The following ZNF804A variants were observed in gnomAD, a reference collection of about 807,000 sequenced individuals.
The protein encoded by ZNF804A is zinc finger protein 804A.
Under a neutral mutation model 16.5 loss-of-function variants are expected in ZNF804A, and 2 were observed. The observed-to-expected ratio is 0.12, with a 90% CI of 0.05 to 0.38. The LOEUF is 0.38. Among genes scored for constraint, ZNF804A ranks in the 10% least tolerant of loss-of-function variants. The probability of loss-of-function intolerance (pLI) is 0.99; values close to 1 mark genes in which losing one functional copy is unlikely to be tolerated. For missense variants in ZNF804A, 1,473 were observed against 1,390.7 expected (o/e 1.06, Z -0.94); for synonymous variants, 534 against 489.6 (o/e 1.09, Z -1.20).
intron 1 of ZNF804A, among the ~76,000 whole-genome samples, chr2:184,756,582 A>G (rs1012435253): frequency 7.2e-5 from 11 of 152,020 alleles, no homozygotes; most frequent in Admixed American, 4.6e-4. Flanking sequence ...AGATTTTTCT[A>G]TGTAATAATC....
At position 184,936,157 on chromosome 2, in the gene ZNF804A, C is replaced by T. The variant is rs773804143; in HGVS notation, c.761C>T (p.Pro254Leu). 1.2e-6 allele frequency: 2 copies of T among 1,613,926 alleles called. No homozygotes were observed. The highest frequency in any genetic ancestry group is 2.2e-5 in the South Asian group (2 of 91,068). ...TTTAGCAGAAAAAGTAGATTTGTCCCCAGTGCTTGTCATCTTCAACAATCT... is the reference window on the plus strand; with the variant it reads ...TTTAGCAGAAAAAGTAGATTTGTCCTCAGTGCTTGTCATCTTCAACAATCT... ...KGFSRKSRFV[P>L]SACHLQQSSP... Residue 254 changes from proline to leucine, a missense_variant, in exon 4 of 4, where the codon CCC becomes CTC. Transcript: ENST00000302277.
At chr2:184,721,736 G>C (rs892598921) in intron 1 of ZNF804A, among the ~76,000 whole-genome samples, 1 of 152,102 alleles carries the variant, frequency 6.6e-6, no homozygotes, top group Admixed American at 6.6e-5. Context: ...AATCTCACTA[G>C]TGTGTATTTA....
intron 1 of ZNF804A, among the ~76,000 whole-genome samples, chr2:184,630,873 AT>A (rs1197462740): frequency 3.3e-5 from 5 of 152,144 alleles, no homozygotes; most frequent in African/African-American, 1.2e-4. Flanking sequence ...TTAAAAAAAA[AT>A]ACATTAAAAA....
intron 1 of ZNF804A, among the ~76,000 whole-genome samples, chr2:184,648,822 C>T (rs534759822): frequency 5.3e-5 from 8 of 152,210 alleles, no homozygotes; most frequent in South Asian, 2.1e-4. Context: ...ACTTACACAG[C>T]TACACAAGAA....
At chr2:184,805,059 C>A (rs2105784288) in intron 1 of ZNF804A, among the ~76,000 whole-genome samples, 1 of 152,202 alleles carries the variant, frequency 6.6e-6, no homozygotes, top group Admixed American at 6.5e-5. Flanking sequence ...GTCCAGGGAC[C>A]ACACTGAGAG....
At chr2:184,610,876 G>T (rs898790664) in intron 1 of ZNF804A, among the ~76,000 whole-genome samples, 1 of 152,194 alleles carries the variant, frequency 6.6e-6, no homozygotes, top group Non-Finnish European at 1.5e-5. Flanking sequence ...TTAGATAAAA[G>T]ATATGATAAT....
intron 1 of ZNF804A, among the ~76,000 whole-genome samples, chr2:184,678,264 A>G (rs1692473872): frequency 6.6e-6 from 1 of 152,144 alleles, no homozygotes; most frequent in Non-Finnish European, 1.5e-5. Flanking sequence ...TGAAGTAGTC[A>G]GCTAATCATG....
At chr2:184,824,770 T>C (rs1247932635) in intron 1 of ZNF804A, among the ~76,000 whole-genome samples, 2 of 152,116 alleles carry the variant, frequency 1.3e-5, no homozygotes, top group African/African-American at 4.8e-5. Flanking sequence ...GCTGGAATCC[T>C]CTCAGAGCTG....
At position 184,715,983 on chromosome 2, in the gene ZNF804A, A is replaced by G. The variant is rs1693207476; in HGVS notation, c.111+116913A>G. ...AACATTGTTTCACGCCAACAGGTCT[A>G]ATGCATATAAGAGCAACATTTGGGA... On this transcript the variant is annotated intron_variant, in intron 1 of 3. Transcript: ENST00000302277. Among the ~76,000 whole-genome samples, 2 of 152,182 alleles carry G rather than the reference A, an allele frequency of 1.3e-5. 1 individual carries two copies. The highest frequency in any genetic ancestry group is 1.3e-4 in the Admixed American group (2 of 15,258).
chr2:184,757,155 C>T (rs1178601935), intron 1 of ZNF804A, among the ~76,000 whole-genome samples: 1 of 152,006 alleles, frequency 6.6e-6, no homozygotes, highest in African/African-American at 2.4e-5. Context: ...CACGTGACCA[C>T]ATCTTTAATA....
intron 1 of ZNF804A, among the ~76,000 whole-genome samples, chr2:184,794,382 G>A (rs1009572211): frequency 1.3e-5 from 2 of 151,834 alleles, no homozygotes; most frequent in Non-Finnish European, 1.5e-5. Context: ...TTTGATGATT[G>A]TCTATTCATG....
chr2:184,773,226 C>A (rs1694243645), intron 1 of ZNF804A, among the ~76,000 whole-genome samples: 1 of 151,430 alleles, frequency 6.6e-6, no homozygotes, highest in Non-Finnish European at 1.5e-5. Flanking sequence ...ATATCTGTAT[C>A]ATATGGGTAT....
intron 1 of ZNF804A, among the ~76,000 whole-genome samples, chr2:184,627,672 A>G (rs1691527786): frequency 1.3e-5 from 2 of 152,248 alleles, no homozygotes; most frequent in African/African-American, 4.8e-5. Context: ...TACTATTTAA[A>G]TAATTTATCT....
chr2:184,715,706 C>T (rs566304707), intron 1 of ZNF804A, among the ~76,000 whole-genome samples: 32 of 152,012 alleles, frequency 2.1e-4, no homozygotes, highest in South Asian at 4.2e-4. Context: ...CAGCCACATC[C>T]GATACTTTTT....
chr2:184,834,380 C>A lies in ZNF804A; in HGVS notation c.112-31989C>A, dbSNP rs146312870. 3.9e-3 allele frequency among the ~76,000 whole-genome samples: 594 copies of A among 152,146 alleles called. 1 individual carries two copies. Among genetic ancestry groups the A allele is most frequent in the Non-Finnish European group, 6.0e-3 (406 of 67,976 alleles). On this transcript the variant is annotated intron_variant, in intron 1 of 3. Coordinates refer to ENST00000302277, the MANE Select transcript of ZNF804A (RefSeq NM_194250.2). ...TTCATCTTTCCTTCTATGCCCTTAG[C>A]CCTAGAATCAGCTATTTCTCCAAGA...
intron 2 of ZNF804A, among the ~76,000 whole-genome samples, chr2:184,896,771 C>T (rs1685075901): frequency 6.6e-6 from 1 of 151,928 alleles, no homozygotes; most frequent in Non-Finnish European, 1.5e-5. Context: ...GTCATCCTTA[C>T]ATATAAAAAT....
chr2:184,688,627 A>G (rs2105723925), intron 1 of ZNF804A, among the ~76,000 whole-genome samples: 1 of 152,018 alleles, frequency 6.6e-6, no homozygotes, highest in East Asian at 1.9e-4. Flanking sequence ...AATACTTCAA[A>G]CCATTTTTAA....
chr2:184,840,210 G>A (rs1399324838), intron 1 of ZNF804A, among the ~76,000 whole-genome samples: 1 of 152,122 alleles, frequency 6.6e-6, no homozygotes, highest in African/African-American at 2.4e-5. Flanking sequence ...CCAACATGGT[G>A]AAACCTCATC....
intron 1 of ZNF804A, among the ~76,000 whole-genome samples, chr2:184,787,232 G>T (rs1282311563): frequency 6.6e-6 from 1 of 151,862 alleles, no homozygotes; most frequent in Non-Finnish European, 1.5e-5. Context: ...CTGCTTCTCT[G>T]CCACACTTTC....
Sources: gnomAD v4.1 joint callset for allele counts (sites outside exome capture counted in the v4.1 genomes callset) on GRCh38, gnomAD v4.1.1 for gene constraint, MANE v1.5 for transcripts, NCBI Gene and HGNC (gene_info 2026-07-23, HGNC 2026-07-21) for gene names.